Variants in NAALADL2 observed in about 807,000 individuals in gnomAD.
The protein encoded by NAALADL2 is inactive N-acetylated-alpha-linked acidic dipeptidase-like protein 2.
A neutral mutation model predicts 87.2 loss-of-function variants in NAALADL2; 76 were observed. That is an observed-to-expected ratio of 0.87 (90% CI 0.72 to 1.05). The LOEUF is 1.05. NAALADL2 is among the 50% of genes least tolerant of loss of function. NAALADL2 has a pLI of 0.00. For synonymous variants in NAALADL2, 354 were observed against 331.0 expected (o/e 1.07, Z -0.75); for missense variants, 1,089 against 945.8 (o/e 1.15, Z -1.99).
chr3:174,827,906 G>T (rs868351708), intron 3 of NAALADL2, among the ~76,000 whole-genome samples: 1 of 152,116 alleles, frequency 6.6e-6, no homozygotes, highest in African/African-American at 2.4e-5. Flanking sequence ...TTTCCTGACT[G>T]GGTGCTATGC....
At chr3:175,253,733 C>T (rs1749462224) in intron 3 of NAALADL2, among the ~76,000 whole-genome samples, 1 of 152,132 alleles carries the variant, frequency 6.6e-6, no homozygotes, top group Non-Finnish European at 1.5e-5. Context: ...GTCAAAATAT[C>T]AGCATTAACG....
intron 1 of NAALADL2, among the ~76,000 whole-genome samples, chr3:174,914,244 G>C (rs1207417997): frequency 6.6e-6 from 1 of 151,790 alleles, no homozygotes; most frequent in Non-Finnish European, 1.5e-5. Flanking sequence ...TGTATTTTTA[G>C]TGGAGAGAGG....
chr3:175,657,964 T>A (rs987492732), intron 11 of NAALADL2, among the ~76,000 whole-genome samples: 5 of 151,846 alleles, frequency 3.3e-5, no homozygotes, highest in Admixed American at 3.3e-4. Flanking sequence ...CTTAATCTAA[T>A]ATGTATGTGA....
At chr3:174,882,533 A>ACACATG (rs1729366936) in intron 1 of NAALADL2, among the ~76,000 whole-genome samples, 1 of 148,406 alleles carries the variant, frequency 6.7e-6, no homozygotes, top group African/African-American at 2.5e-5. Flanking sequence ...ATACACATAT[A>ACACATG]TGCATACACA....
At chr3:174,690,512 G>T (rs1003195958) in intron 2 of NAALADL2, among the ~76,000 whole-genome samples, 40 of 152,120 alleles carry the variant, frequency 2.6e-4, no homozygotes, top group African/African-American at 8.2e-4. Flanking sequence ...GCTGATATGT[G>T]CTTAGGGAAC....
chr3:174,874,281 C>G (rs1347513969), intron 1 of NAALADL2, among the ~76,000 whole-genome samples: 1 of 152,154 alleles, frequency 6.6e-6, no homozygotes, highest in African/African-American at 2.4e-5. Context: ...GCTCCAAATT[C>G]TCATCATGAA....
intron 8 of NAALADL2, among the ~76,000 whole-genome samples, chr3:175,468,457 G>C (rs920939138): frequency 1.3e-5 from 2 of 152,030 alleles, no homozygotes; most frequent in African/African-American, 4.8e-5. Flanking sequence ...TTAAAGAACA[G>C]TTTAGGGAAT....
chr3:175,456,396 T>C (rs1240971882), intron 6 of NAALADL2, among the ~76,000 whole-genome samples: 1 of 152,004 alleles, frequency 6.6e-6, no homozygotes, highest in Non-Finnish European at 1.5e-5. Context: ...ATTAAAGCTG[T>C]CATCAAATTT....
intron 2 of NAALADL2, among the ~76,000 whole-genome samples, chr3:174,626,509 T>C (rs1721592119): frequency 6.6e-6 from 1 of 152,074 alleles, no homozygotes; most frequent in African/African-American, 2.4e-5. Context: ...GTCTTTGTCT[T>C]GAAAAAATAA....
chr3:174,678,518 A>G (rs907648754), intron 2 of NAALADL2, among the ~76,000 whole-genome samples: 1 of 152,056 alleles, frequency 6.6e-6, no homozygotes, highest in Admixed American at 6.6e-5. Context: ...GTTTCATGTT[A>G]TTACCGGTAT....
At chr3:175,651,582 T>G (rs1168653027) in intron 11 of NAALADL2, among the ~76,000 whole-genome samples, 1 of 152,174 alleles carries the variant, frequency 6.6e-6, no homozygotes, top group Non-Finnish European at 1.5e-5. Flanking sequence ...ATAACAGAAG[T>G]AAGGATCCAG....
rs747181499 is a variant in NAALADL2, at chr3:174,743,546, C to G, written c.-9+5800C>G. ...ATTTTTGCCACAATTTAACCTCAAA[C>G]AACTCAGATGTCATTAGTTCTTTCT... On this transcript the variant is annotated intron_variant, in intron 3 of 3. Coordinates refer to the NAALADL2 transcript ENST00000434257. 1.2e-4 allele frequency among the ~76,000 whole-genome samples: 18 copies of G among 151,932 alleles called. No individual in the cohort carries two copies. The Middle Eastern group carries it at 0.01, about 86-fold the overall frequency.
At chr3:175,630,360 AG>A (rs890934967) in intron 11 of NAALADL2, among the ~76,000 whole-genome samples, 1 of 151,818 alleles carries the variant, frequency 6.6e-6, no homozygotes, top group African/African-American at 2.4e-5. Flanking sequence ...TACGACAAAA[AG>A]GAATACGCTC....
intron 1 of NAALADL2, among the ~76,000 whole-genome samples, chr3:174,924,990 A>G (rs1735781731): frequency 1.3e-5 from 2 of 152,058 alleles, no homozygotes; most frequent in African/African-American, 4.8e-5. Flanking sequence ...AGATGAGTAG[A>G]TTGCAAAAAT....
chr3:175,019,859 TA>T (rs1335981997), intron 1 of NAALADL2, among the ~76,000 whole-genome samples: 1 of 152,100 alleles, frequency 6.6e-6, no homozygotes, highest in Non-Finnish European at 1.5e-5. Context: ...ACATATCTGA[TA>T]AAATTCTTCA....
intron 9 of NAALADL2, among the ~76,000 whole-genome samples, chr3:175,575,431 C>A (rs2149554391): frequency 6.6e-6 from 1 of 152,072 alleles, no homozygotes; most frequent in South Asian, 2.1e-4. Flanking sequence ...ATTACAGGCT[C>A]CTGCCACCAC....
intron 1 of NAALADL2, among the ~76,000 whole-genome samples, chr3:174,963,020 T>C (rs1033320781): frequency 5.3e-5 from 8 of 152,188 alleles, no homozygotes; most frequent in Non-Finnish European, 1.0e-4. Context: ...TTATTTTTCA[T>C]TGTGGCCTTG....
intron 1 of NAALADL2, among the ~76,000 whole-genome samples, chr3:174,506,932 A>T (rs1162497766): frequency 6.6e-6 from 1 of 151,906 alleles, no homozygotes; most frequent in African/African-American, 2.4e-5. Flanking sequence ...TTTATTAAGG[A>T]TATTAATAAT....
At chr3:174,509,282 T>G (rs1166966259) in intron 1 of NAALADL2, among the ~76,000 whole-genome samples, 1 of 152,128 alleles carries the variant, frequency 6.6e-6, no homozygotes, top group Non-Finnish European at 1.5e-5. Context: ...GATGCTTTAT[T>G]AGTCTTCTCA....
Sources: gnomAD v4.1 joint callset for allele counts (sites outside exome capture counted in the v4.1 genomes callset) on GRCh38, gnomAD v4.1.1 for gene constraint, MANE v1.5 for transcripts, NCBI Gene and HGNC (gene_info 2026-07-23, HGNC 2026-07-21) for gene names.